Variants in ATP1B1 observed in about 807,000 individuals in gnomAD.
ATP1B1 encodes the protein ATPase Na+/K+ transporting subunit beta 1, also known as sodium/potassium-transporting ATPase subunit beta-1.
A neutral mutation model predicts 39.6 loss-of-function variants in ATP1B1; 3 were observed. That is an observed-to-expected ratio of 0.08 (90% CI 0.03 to 0.20). The LOEUF is 0.20. Among genes scored for constraint, ATP1B1 ranks in the 10% least tolerant of loss-of-function variants. The pLI is 1.00. For missense variants in ATP1B1, 216 were observed against 371.1 expected, an observed-to-expected ratio of 0.58 and a Z score of 3.43; for synonymous variants, 139 against 135.0, an observed-to-expected ratio of 1.03 and a Z score of -0.20.
chr1:169,130,451 TTAA>T (rs769188513), intron 5 of ATP1B1, among the ~76,000 whole-genome samples: 1 of 151,942 alleles, frequency 6.6e-6, no homozygotes, highest in Non-Finnish European at 1.5e-5. Context: ...TAAAAAAAAA[TTAA>T]TGTCACATAA....
At position 169,126,337 on chromosome 1, in the gene ATP1B1, A is replaced by G. The variant is rs925314677; in HGVS notation, c.383-887A>G. Among the ~76,000 whole-genome samples the G allele has an allele frequency of 4.8e-5, 5 of 103,446 alleles. No individual in the cohort carries two copies. The Admixed American group carries it at 5.4e-4, about 11-fold the overall frequency. 67.9% of individuals were successfully genotyped at this position (103,446 alleles called of 152,430 possible). A position where few individuals can be genotyped will look rare whatever the true frequency, so the allele number is the denominator to read the frequency against. ...TCATTTGTGAATTTAAAAACTATAC[A>G]TAAATTATGGTTTGCATTATTTTCC... On this transcript the variant is annotated intron_variant, in intron 3 of 5. Coordinates refer to ENST00000367815, the MANE Select transcript of ATP1B1 (RefSeq NM_001677.4).
chr1:169,119,520 A>G (rs916941318), intron 2 of ATP1B1, among the ~76,000 whole-genome samples: 1 of 152,200 alleles, frequency 6.6e-6, no homozygotes, highest in East Asian at 1.9e-4. Context: ...AGTCATAACT[A>G]ACAACTTTAA....
intron 3 of ATP1B1, 45 bp downstream of exon 3, chr1:169,125,084 TTTAACTC>T (rs1377016919): frequency 1.3e-6 from 2 of 1,541,778 alleles, no homozygotes; most frequent in Non-Finnish European, 1.7e-6. Context: ...TTTCTTTCTC[TTTAACTC>T]TTATTTCCCA....
intron 2 of ATP1B1, among the ~76,000 whole-genome samples, chr1:169,118,131 C>G (rs1270351939): frequency 6.6e-6 from 1 of 152,150 alleles, no homozygotes; most frequent in Admixed American, 6.5e-5. Flanking sequence ...ATGGAATATG[C>G]ATTTTTAAAG....
At chr1:169,121,360 G>A (rs1359491793) in intron 2 of ATP1B1, among the ~76,000 whole-genome samples, 1 of 152,162 alleles carries the variant, frequency 6.6e-6, no homozygotes, top group Non-Finnish European at 1.5e-5. Flanking sequence ...GAATGCACTA[G>A]CCTTATCATT....
intron 2 of ATP1B1, among the ~76,000 whole-genome samples, chr1:169,123,595 A>ATATATT (rs1557951050): frequency 6.7e-6 from 1 of 148,706 alleles, no homozygotes; most frequent in African/African-American, 2.5e-5. Context: ...CTATATATAT[A>ATATATT]TATATTTATA....
chr1:169,115,018 A>C (rs1657811644), intron 2 of ATP1B1, among the ~76,000 whole-genome samples: 1 of 151,952 alleles, frequency 6.6e-6, no homozygotes, highest in African/African-American at 2.4e-5. Flanking sequence ...CTCCGTCTCT[A>C]CTAAAAAATA....
intron 2 of ATP1B1, among the ~76,000 whole-genome samples, chr1:169,119,030 C>A (rs74683815): frequency 0.03 from 4,600 of 152,248 alleles, 225 homozygotes; most frequent in African/African-American, 0.1. Context: ...CATTATAAAC[C>A]TAAAGAAACA....
chr1:169,114,358 A>G (rs1486310930), intron 2 of ATP1B1, among the ~76,000 whole-genome samples: 1 of 152,202 alleles, frequency 6.6e-6, no homozygotes, highest in Non-Finnish European at 1.5e-5. Context: ...AGATACACCT[A>G]GTGGGTGTGA....
chr1:169,124,340 T>C (rs1658045483), intron 2 of ATP1B1, among the ~76,000 whole-genome samples: 1 of 152,194 alleles, frequency 6.6e-6, no homozygotes, highest in African/African-American at 2.4e-5. Flanking sequence ...CAAAGAAATA[T>C]CTTGGTTAGG....
chr1:169,107,367 G>A (rs772305290), intron 1 of ATP1B1, among the ~76,000 whole-genome samples: 1 of 152,152 alleles, frequency 6.6e-6, no homozygotes, highest in South Asian at 2.1e-4. Flanking sequence ...GTGTGTTACA[G>A]CATCTTTCTT....
At position 169,132,228 on chromosome 1, in the gene ATP1B1, T is replaced by G; in HGVS notation, c.*673T>G. On this transcript the variant is annotated 3_prime_UTR_variant, in exon 6 of 6. Transcript: ENST00000367815. ...CAGAAAAACACAAAAAGGTGATGGG[T>G]TGTGTTATGCTTGTATTGAATGCTG... The G allele has an allele frequency of 1.5e-6, 1 of 661,922 alleles. No homozygotes were observed. The highest frequency in any genetic ancestry group is 2.8e-6 in the Non-Finnish European group (1 of 359,374). The allele number at this position is 661,922 out of a possible 1,614,324, so 41.0% of individuals were successfully genotyped here.
chr1:169,113,071 C>CTT (rs1052393547), intron 2 of ATP1B1, among the ~76,000 whole-genome samples: 1 of 138,210 alleles, frequency 7.2e-6, no homozygotes, highest in Non-Finnish European at 1.5e-5. Context: ...TTTTATAATT[C>CTT]TTTTTTTTTT....
In ATP1B1 at chr1:169,110,811, A is replaced by G. The variant is rs1657713970; in HGVS notation, c.98-559A>G. ...TACAAACCAAAGGGAGAGTGATAGT[A>G]AAAAAAACAGGAGGATATCATCACT... On this transcript the variant is annotated intron_variant, in intron 1 of 5. Transcript: ENST00000367815. 5.0e-6 allele frequency: 3 copies of G among 603,066 alleles called. No homozygotes were observed. The South Asian group carries it at 6.3e-5, about 13-fold the overall frequency. The allele number at this position is 603,066 out of a possible 1,614,324, so 37.4% of individuals were successfully genotyped here.
In ATP1B1 at chr1:169,111,595, T is replaced by C. The variant is rs1442751578; in HGVS notation, c.226+97T>C. The C allele has an allele frequency of 2.0e-6, 3 of 1,497,102 alleles. No homozygotes were observed. In the East Asian group the frequency reaches 6.8e-5, roughly 34 times the overall value. The allele number at this position is 1,497,102 out of a possible 1,614,324, so 92.7% of individuals were successfully genotyped here. The stretch of plus-strand genomic sequence containing the variant: ...TTCTTTGGAAAATTACTCTATAATG[T>C]AGTCTTAAAGCAACCATGAAAAGGG... On this transcript the variant is annotated intron_variant, in intron 2 of 5. Coordinates refer to ENST00000367815, the MANE Select transcript of ATP1B1 (RefSeq NM_001677.4).
chr1:169,109,597 A>T (rs966165131), intron 1 of ATP1B1, among the ~76,000 whole-genome samples: 1 of 152,252 alleles, frequency 6.6e-6, no homozygotes, highest in Non-Finnish European at 1.5e-5. Context: ...TAATCGGCGT[A>T]CTTGCAAAAT....
At chr1:169,116,220 C>T (rs923151302) in intron 2 of ATP1B1, among the ~76,000 whole-genome samples, 1 of 152,228 alleles carries the variant, frequency 6.6e-6, no homozygotes, top group Non-Finnish European at 1.5e-5. Context: ...ATTGCCCTTC[C>T]CCCACCTCAG....
Position 169,106,798 on chromosome 1 carries a change from C to G in ATP1B1, c.-32C>G. ...GCGCGCGCCGCAGCCACCCACCCTC[C>G]GGACCGCGGCAGCTGCTGACCCGCC... On this transcript the variant is annotated 5_prime_UTR_variant, in exon 1 of 6. Coordinates refer to ENST00000367815, the MANE Select transcript of ATP1B1 (RefSeq NM_001677.4). The G allele has an allele frequency of 2.6e-6, 4 of 1,552,032 alleles. No homozygotes were observed. Among genetic ancestry groups the G allele is most frequent in the Non-Finnish European group, 3.5e-6 (4 of 1,149,908 alleles).
chr1:169,132,439 T>C lies in ATP1B1; in HGVS notation c.*884T>C. On this transcript the variant is annotated 3_prime_UTR_variant, in exon 6 of 6. Coordinates refer to ENST00000367815, the MANE Select transcript of ATP1B1 (RefSeq NM_001677.4). ...TGTCTTTATGAATGTTTTAACCATTTTCATGGTGGAAGAATTTTATATTTA... is the reference window on the plus strand; with the variant it reads ...TGTCTTTATGAATGTTTTAACCATTCTCATGGTGGAAGAATTTTATATTTA... 1 of 429,554 alleles carries C rather than the reference T, an allele frequency of 2.3e-6. No individual in the cohort carries two copies. Among genetic ancestry groups the C allele is most frequent in the Admixed American group, 4.2e-5 (1 of 24,030 alleles). 26.6% of individuals were successfully genotyped at this position (429,554 alleles called of 1,614,324 possible).
Sources: allele counts gnomAD v4.1 joint callset (sites outside exome capture counted in the v4.1 genomes callset), GRCh38; gene constraint gnomAD v4.1.1; transcripts MANE v1.5; gene names NCBI Gene and HGNC (gene_info 2026-07-23, HGNC 2026-07-21).